The following F5 variants were observed in gnomAD, a reference collection of about 807,000 sequenced individuals.
F5 encodes the protein coagulation factor V.
F5 carries 138 observed loss-of-function variants against 216.4 expected under a neutral mutation model. That is an observed-to-expected ratio of 0.64 (90% CI 0.56 to 0.73). The LOEUF (loss-of-function observed/expected upper bound fraction) is 0.73. Ranked by LOEUF, F5 falls within the 30% of genes least tolerant of loss-of-function variation. The pLI is 0.00. For missense variants in F5, 2,403 were observed against 2,674.0 expected (o/e 0.90, Z 2.24); for synonymous variants, 916 against 930.7 (o/e 0.98, Z 0.29).
At chr1:169,526,041 C>T in intron 17 of F5, 24 bp from the exon 18 acceptor site, 3 of 1,515,494 alleles carry the variant, frequency 2.0e-6, no homozygotes, top group South Asian at 2.2e-5. Context: ...AACAACATTA[C>T]ATTTGCAAAA....
At chr1:169,556,942 A>AGT in intron 5 of F5, 75 bp from the exon 6 acceptor site, 2 of 1,299,094 alleles carry the variant, frequency 1.5e-6, no homozygotes, top group Non-Finnish European at 2.2e-6. Flanking sequence ...TCACTCACCA[A>AGT]GTGTATTGAG....
At chr1:169,540,157 G>A (rs757701715) in intron 13 of F5, 137 bp downstream of exon 13, 19 of 881,316 alleles carry the variant, frequency 2.2e-5, no homozygotes, top group Non-Finnish European at 2.8e-5. Context: ...AAAGGAAAAA[G>A]AACAGGCCAA....
chr1:169,518,556 G>C lies in F5; in HGVS notation c.6201C>G (p.Ser2067=), dbSNP rs1270617524. The stretch of plus-strand genomic sequence containing the variant: ...TTCCATTTTCCATACCCAGGGGTGT[G>C]GAACATCCTATCAAAAGAAAAGTAA... The part of the protein sequence containing the change: ...ELQGCEVNGC[S]TPLGMENGKI... The change falls in exon 23 of 25, where the codon TCC becomes TCG. Residue 2067 remains serine, a synonymous_variant. Coordinates refer to ENST00000367797, the MANE Select transcript of F5 (RefSeq NM_000130.5). 1.9e-6 allele frequency: 3 copies of C among 1,613,664 alleles called. No homozygotes were observed. The highest frequency in any genetic ancestry group is 2.5e-6 in the Non-Finnish European group (3 of 1,179,822).
intron 2 of F5, among the ~76,000 whole-genome samples, chr1:169,578,064 T>C (rs1010794137): frequency 1.3e-5 from 2 of 152,114 alleles, no homozygotes; most frequent in African/African-American, 4.8e-5. Context: ...AATCCAGATC[T>C]TCTCAGTCAA....
At position 169,541,291 on chromosome 1, in the gene F5, G is replaced by T; in HGVS notation, c.3799C>A (p.Leu1267Ile). The T allele has an allele frequency of 2.6e-6, 4 of 1,556,468 alleles. No individual in the cohort carries two copies. Among genetic ancestry groups the T allele is most frequent in the Non-Finnish European group, 2.6e-6 (3 of 1,143,994 alleles). ...GGCATCTGACCGAGGGCTGGAGAAAGGTTTGTCTGACTGAGTTCTGGAGAG... is the reference window on the plus strand; with the variant it reads ...GGCATCTGACCGAGGGCTGGAGAAATGTTTGTCTGACTGAGTTCTGGAGAG... ...NLSPELSQTN[L>I]SPALGQMPLS... is the part of the protein sequence containing the mutation. Residue 1267 changes from leucine to isoleucine, a missense_variant, in exon 13 of 25, where the codon CTT (leucine) becomes ATT (isoleucine). Physicochemically the swap from Leu to Ile is conservative, Grantham distance 5 (BLOSUM62 2). Transcript: ENST00000367797.
chr1:169,557,672 T>G (rs1310789172), intron 5 of F5, among the ~76,000 whole-genome samples: 1 of 151,942 alleles, frequency 6.6e-6, no homozygotes, highest in Admixed American at 6.6e-5. Context: ...GTTTCTGTTT[T>G]ACATCTCAGA....
At chr1:169,558,342 G>A (rs766517397) in intron 5 of F5, among the ~76,000 whole-genome samples, 7 of 152,148 alleles carry the variant, frequency 4.6e-5, no homozygotes, top group East Asian at 1.9e-4. Context: ...AGTGGAAAAT[G>A]TAGTCAAATG....
In F5 at chr1:169,544,332, G is replaced by A. The variant is rs377229795; in HGVS notation, c.1939C>T (p.Arg647Cys). The A allele has an allele frequency of 2.9e-5, 47 of 1,613,968 alleles. No individual in the cohort carries two copies. The highest frequency in any genetic ancestry group is 2.7e-4 in the South Asian group (25 of 91,092). Residue 647 changes from arginine to cysteine, a missense_variant, in exon 12 of 25, where the codon CGT (arginine) becomes TGT (cysteine). Coordinates refer to ENST00000367797, the MANE Select transcript of F5 (RefSeq NM_000130.5). ...ATTGTGACCGTCACAGATTCTCCACGCATGGGGAAGAGGGTCAAGGTGTCC... is the reference window on the plus strand; with the variant it reads ...ATTGTGACCGTCACAGATTCTCCACACATGGGGAAGAGGGTCAAGGTGTCC... ...HEDTLTLFPM[R>C]GESVTVTMDN... is the part of the protein sequence containing the mutation.
rs773618429 is a variant in F5, at chr1:169,515,513, A to G, written c.6459T>C (p.Tyr2153=). Residue 2153 remains tyrosine, a synonymous_variant, in exon 24 of 25, where the codon TAT becomes TAC. Transcript: ENST00000367797. ...CTCCCTGCTCACTGTAGTGGATGGT[A>G]TAGCTCTTTACATACATTTCAGAGG... is the stretch of plus-strand genomic sequence containing the variant. ...SLSSEMYVKS[Y]TIHYSEQGVE... is the part of the protein sequence containing the mutation. The G allele has an allele frequency of 3.1e-6, 5 of 1,613,496 alleles. No homozygotes were observed. In the East Asian group the frequency reaches 8.9e-5, roughly 29 times the overall value.
intron 22 of F5, 26 bp downstream of exon 22, chr1:169,520,494 G>A: frequency 6.2e-7 from 1 of 1,613,688 alleles, no homozygotes; most frequent in Non-Finnish European, 8.5e-7. Context: ...GTGGCAGTGA[G>A]AAAATAATGC....
chr1:169,552,806 T>G (rs1486544873), intron 7 of F5, 72 bp from the exon 8 acceptor site: 8 of 1,146,608 alleles, frequency 7.0e-6, no homozygotes, highest in Non-Finnish European at 1.0e-5. Flanking sequence ...GAAACCCTTG[T>G]GCTTAAACAT....
At chr1:169,569,005 C>T (rs1056276020) in intron 3 of F5, among the ~76,000 whole-genome samples, 9 of 152,042 alleles carry the variant, frequency 5.9e-5, no homozygotes, top group Non-Finnish European at 2.9e-5. Flanking sequence ...CGAATCAATG[C>T]TGACGTTTTA....
Position 169,514,380 on chromosome 1 carries a change from A to G in F5, c.6608T>C (p.Val2203Ala). The change falls in exon 25 of 25, where the codon GTC becomes GCC. Residue 2203 changes from valine to alanine, a missense_variant. Around this residue, in one of 4 missense-constraint regions of F5, gnomAD observed 659 missense variants for 787.9 expected, o/e 0.84. Coordinates refer to ENST00000367797, the MANE Select transcript of F5 (RefSeq NM_000130.5). The part of the protein sequence containing the change: ...NPPIISRFIR[V>A]IPKTWNQSIA... The stretch of plus-strand genomic sequence containing the variant: ...ACTTTGATTCCATGTTTTAGGAATG[A>G]CACGGATAAACCTGGAAATGATTGG... The G allele has an allele frequency of 6.2e-7, 1 of 1,613,274 alleles. No individual in the cohort carries two copies. Among genetic ancestry groups the G allele is most frequent in the Non-Finnish European group, 8.5e-7 (1 of 1,179,438 alleles).
chr1:169,524,870 A>G lies in F5; in HGVS notation c.5755T>C (p.Ser1919Pro). 5 of 1,613,858 alleles carry G rather than the reference A, an allele frequency of 3.1e-6. No homozygotes were observed. Among genetic ancestry groups the G allele is most frequent in the Non-Finnish European group, 4.2e-6 (5 of 1,179,808 alleles). The change falls in exon 19 of 25, where the codon TCT (serine) becomes CCT (proline). Residue 1919 changes from serine (S) to proline (P), a missense_variant. This residue lies in a region of F5 where 659 missense variants were observed against 787.9 expected (regional missense o/e 0.84). Transcript: ENST00000367797. Reference sequence around the variant, plus strand: ...TCTGAAGCCTTGATCTGTGAATCAGATATGATACCAGTGCTTAGTCCCATT... The same window carrying G: ...TCTGAAGCCTTGATCTGTGAATCAGGTATGATACCAGTGCTTAGTCCCATT... ...MPMGLSTGII[S>P]DSQIKASEFL... is the part of the protein sequence containing the mutation.
chr1:169,541,985 C>T lies in F5; in HGVS notation c.3105G>A (p.Glu1035=), dbSNP rs752144122. 9.9e-6 allele frequency: 16 copies of T among 1,613,930 alleles called. No homozygotes were observed. The highest frequency in any genetic ancestry group is 1.6e-4 in the Middle Eastern group (1 of 6,084). Residue 1035 remains glutamate (E), a synonymous_variant, in exon 13 of 25, where the codon GAG becomes GAA. Coordinates refer to ENST00000367797, the MANE Select transcript of F5 (RefSeq NM_000130.5). The part of the protein sequence containing the change: ...FLIKTRKKKK[E]KHTHHAPLSP... ...ATAAAGGAGCATGGTGTGTGTGCTTCTCTTTTTTCTTTTTTCGTGTCTTAA... is the reference window on the plus strand; with the variant it reads ...ATAAAGGAGCATGGTGTGTGTGCTTTTCTTTTTTCTTTTTTCGTGTCTTAA...
At chr1:169,569,753 T>C (rs1251536455) in intron 3 of F5, among the ~76,000 whole-genome samples, 2 of 152,042 alleles carry the variant, frequency 1.3e-5, no homozygotes, top group African/African-American at 2.4e-5. Context: ...AGAGTTCTCT[T>C]ATGTTCTGTT....
chr1:169,552,611 T>G lies in F5; in HGVS notation c.1242A>C (p.Lys414Asn). 1 of 1,613,622 alleles carries G rather than the reference T, an allele frequency of 6.2e-7. No individual in the cohort carries two copies. The highest frequency in any genetic ancestry group is 8.5e-7 in the Non-Finnish European group (1 of 1,179,692). ...TAATAGGACCCAAAATCCCATCTTCTTTCATATTGGGATTCACTGTATGTT... is the reference window on the plus strand; with the variant it reads ...TAATAGGACCCAAAATCCCATCTTCGTTCATATTGGGATTCACTGTATGTT... ...FTKHTVNPNM[K>N]EDGILGPIIR... Residue 414 changes from lysine to asparagine, a missense_variant, in exon 8 of 25, where the codon AAA becomes AAC. Lys to Asn is a moderately conservative substitution (Grantham distance 94, BLOSUM62 0). Around this residue, in one of 4 missense-constraint regions of F5, gnomAD observed 1,425 missense variants for 1,554.8 expected, o/e 0.92. Transcript: ENST00000367797.
At chr1:169,557,868 G>GATAAA (rs1376456494) in intron 5 of F5, among the ~76,000 whole-genome samples, 28 of 152,226 alleles carry the variant, frequency 1.8e-4, no homozygotes, top group African/African-American at 6.3e-4. Context: ...ACATATCTGT[G>GATAAA]TTAGCATTTA....
Position 169,556,846 on chromosome 1 carries a change from T to A in F5, c.752A>T (p.Asp251Val), listed in dbSNP as rs974846572. 1.9e-6 allele frequency: 3 copies of A among 1,613,956 alleles called. No individual in the cohort carries two copies. Among genetic ancestry groups the A allele is most frequent in the Non-Finnish European group, 2.5e-6 (3 of 1,179,978 alleles). The change falls in exon 6 of 25, where the codon GAC becomes GTC. Residue 251 changes from aspartate to valine, a missense_variant. Around this residue, in one of 4 missense-constraint regions of F5, gnomAD observed 1,425 missense variants for 1,554.8 expected, o/e 0.92. Transcript: ENST00000367797. ...TCCCAGCAGATGCCAGCTGATGTGG[T>A]CATGGGCACAAACTGTTATATCTGA... ...TMPDITVCAH[D>V]HISWHLLGMS...
Sources: gnomAD v4.1 joint callset for allele counts (sites outside exome capture counted in the v4.1 genomes callset) on GRCh38, gnomAD v4.1.1 for gene constraint, gnomAD v4.1.1 regional missense constraint, MANE v1.5 for transcripts, NCBI Gene and HGNC (gene_info 2026-07-23, HGNC 2026-07-21) for gene names.